Variants in QTGAL observed in about 807,000 individuals in gnomAD.
The protein encoded by QTGAL is queuosine-tRNA galactosyltransferase.
the QTGAL span, chr17:82,979,245 C>A: frequency 1.3e-5 from 2 of 152,014 alleles, no homozygotes; most frequent in Non-Finnish European, 2.9e-5. Context: ...AGTGAGAGGA[C>A]CCAAATAACT....
chr17:82,958,776 G>C, the QTGAL span, among the ~76,000 whole-genome samples: 2 of 142,266 alleles, frequency 1.4e-5, no homozygotes, highest in South Asian at 2.3e-4. Flanking sequence ...CCCAGTCAGT[G>C]ACTTGGGGAC....
the QTGAL span, among the ~76,000 whole-genome samples, chr17:83,015,939 G>C: frequency 6.6e-6 from 1 of 152,152 alleles, no homozygotes; most frequent in Admixed American, 6.5e-5. The surrounding 1 kb of genome is among the most constrained non-coding windows in gnomAD (Gnocchi z 4.4). Flanking sequence ...TGGGGACCAC[G>C]GATATAAACC....
At chr17:83,045,049 A>C in the QTGAL span, among the ~76,000 whole-genome samples, 1 of 152,272 alleles carries the variant, frequency 6.6e-6, no homozygotes, top group Non-Finnish European at 1.5e-5. Context: ...AAACCCACAA[A>C]GAACAAACTA....
At chr17:83,001,839 G>A in the QTGAL span, among the ~76,000 whole-genome samples, 1 of 152,090 alleles carries the variant, frequency 6.6e-6, no homozygotes, top group Non-Finnish European at 1.5e-5. Context: ...GTACAATCAT[G>A]GCTCATGGTG....
chr17:82,990,905 G>A, the QTGAL span, among the ~76,000 whole-genome samples: 1 of 152,142 alleles, frequency 6.6e-6, no homozygotes, highest in Non-Finnish European at 1.5e-5. Context: ...GTGGGTGTCT[G>A]CAAGCCAGGA....
At chr17:82,996,844 T>C in the QTGAL span, among the ~76,000 whole-genome samples, 1,847 of 152,302 alleles carry the variant, frequency 0.012, 43 homozygotes, top group African/African-American at 0.042. Context: ...GATATCCATA[T>C]GCAAAAGAAT....
the QTGAL span, among the ~76,000 whole-genome samples, chr17:82,991,667 T>C: frequency 7.9e-5 from 12 of 152,130 alleles, no homozygotes; most frequent in Admixed American, 2.0e-4. Context: ...TGAACATCCA[T>C]AAGCATCAAG....
the QTGAL span, among the ~76,000 whole-genome samples, chr17:83,020,857 C>G: frequency 8.5e-5 from 13 of 152,140 alleles, no homozygotes; most frequent in African/African-American, 3.1e-4. Context: ...CCCACGAGAA[C>G]CAACTGCATT....
chr17:83,005,316 A>G, the QTGAL span: 1 of 978,474 alleles, frequency 1.0e-6, no homozygotes. This position sits in a 1 kb window ranked among gnomAD's most constrained non-coding sequence, Gnocchi z 5.6. Flanking sequence ...AGATGTCCAG[A>G]CAGGAAACTG....
chr17:82,998,497 C>G, the QTGAL span, among the ~76,000 whole-genome samples: 2 of 152,168 alleles, frequency 1.3e-5, no homozygotes, highest in Admixed American at 6.5e-5. Context: ...AGGCGCCCAC[C>G]ACCATGCCTG....
the QTGAL span, among the ~76,000 whole-genome samples, chr17:82,956,272 C>G: frequency 6.6e-6 from 1 of 152,208 alleles, no homozygotes; most frequent in Non-Finnish European, 1.5e-5. This position sits in a 1 kb window ranked among gnomAD's most constrained non-coding sequence, Gnocchi z 5.7. Flanking sequence ...CCTGCCCACC[C>G]CAGGCAAGGG....
At chr17:83,016,375 TG>T in the QTGAL span, among the ~76,000 whole-genome samples, 1 of 151,754 alleles carries the variant, frequency 6.6e-6, no homozygotes, top group Non-Finnish European at 1.5e-5. Context: ...CAACGAACCA[TG>T]CTGAGGGAAG....
chr17:83,002,128 C>T, the QTGAL span, among the ~76,000 whole-genome samples: 21 of 151,684 alleles, frequency 1.4e-4, no homozygotes, highest in Non-Finnish European at 2.8e-4. Flanking sequence ...TAAGTGAATA[C>T]AGTATGTAAC....
At chr17:82,963,371 C>T in the QTGAL span, among the ~76,000 whole-genome samples, 3 of 152,190 alleles carry the variant, frequency 2.0e-5, no homozygotes, top group African/African-American at 7.2e-5. Flanking sequence ...GCAGTCACCA[C>T]GCGGGGACAG....
the QTGAL span, chr17:82,961,146 G>A: frequency 3.7e-6 from 6 of 1,607,954 alleles, no homozygotes; most frequent in Non-Finnish European, 4.2e-6. Flanking sequence ...CCTTCCTGAG[G>A]TGCTCGTAGA....
the QTGAL span, among the ~76,000 whole-genome samples, chr17:83,017,739 T>C: frequency 2.6e-5 from 4 of 152,224 alleles, no homozygotes; most frequent in South Asian, 2.1e-4. Flanking sequence ...TGTGCCTGCA[T>C]CGAGTACCAC....
the QTGAL span, among the ~76,000 whole-genome samples, chr17:83,050,412 T>C: frequency 6.6e-6 from 1 of 152,122 alleles, no homozygotes; most frequent in Admixed American, 6.5e-5. Flanking sequence ...AGTTCCCTAA[T>C]TTATTTACAA....
At chr17:82,957,296 G>A in the QTGAL span, 1 of 1,613,956 alleles carries the variant, frequency 6.2e-7, no homozygotes, top group African/African-American at 1.3e-5. Flanking sequence ...CGGGGCCAGG[G>A]CCTGTGCTGT....
chr17:82,957,954 C>T, the QTGAL span, among the ~76,000 whole-genome samples: 10 of 152,174 alleles, frequency 6.6e-5, no homozygotes, highest in African/African-American at 1.4e-4. Flanking sequence ...TCTCTGTTCT[C>T]CCTCTGCTGT....
Sources: allele counts gnomAD v4.1 joint callset (sites outside exome capture counted in the v4.1 genomes callset), GRCh38; gene constraint gnomAD v4.1.1; non-coding constraint Gnocchi (gnomAD v3.1); transcripts MANE v1.5; gene names NCBI Gene and HGNC (gene_info 2026-07-23, HGNC 2026-07-21).